Variants in NOX4 observed in about 807,000 individuals in gnomAD.
NOX4 encodes kidney oxidase-1.
NOX4 carries 69 observed loss-of-function variants against 87.6 expected under a neutral mutation model. The ratio of observed to expected loss-of-function variants is 0.79; its 90% CI spans 0.65 to 0.96. NOX4 has a LOEUF of 0.96. Ranked by LOEUF, NOX4 falls within the 40% of genes least tolerant of loss-of-function variation. NOX4 has a pLI of 0.00. For synonymous variants in NOX4, 275 were observed against 238.2 expected (o/e 1.15, Z -1.42); for missense variants, 680 against 681.5 (o/e 1.00, Z 0.02).
chr11:89,413,575 G>A (rs1488792375), intron 8 of NOX4, among the ~76,000 whole-genome samples: 1 of 152,104 alleles, frequency 6.6e-6, no homozygotes, highest in African/African-American at 2.4e-5. Context: ...GCAAGGCACA[G>A]AAAGACAAAT....
At chr11:89,501,760 C>T (rs139144454), upstream of NOX4, among the ~76,000 whole-genome samples, 241 of 152,022 alleles carry the variant, frequency 1.6e-3, 2 homozygotes, top group Admixed American at 0.014. Flanking sequence ...GGGCAATGGA[C>T]GAAGAAAATA....
chr11:89,439,948 A>G (rs2135350451), intron 6 of NOX4, among the ~76,000 whole-genome samples: 1 of 152,266 alleles, frequency 6.6e-6, no homozygotes, highest in South Asian at 2.1e-4. Flanking sequence ...GTTGCACTAA[A>G]TTACTGAATT....
chr11:89,574,069 A>G, the NOX4 span, among the ~76,000 whole-genome samples: 15 of 152,158 alleles, frequency 9.9e-5, 2 homozygotes, highest in Admixed American at 9.2e-4. Context: ...ATAGCTTTGG[A>G]TGGTAAGGAG....
intron 2 of NOX4, among the ~76,000 whole-genome samples, chr11:89,470,188 C>A (rs938023499): frequency 3.3e-5 from 5 of 152,072 alleles, no homozygotes; most frequent in African/African-American, 1.2e-4. Context: ...AAGAAGTCAA[C>A]AGAAGTTATT....
intron 2 of NOX4, among the ~76,000 whole-genome samples, chr11:89,471,720 G>T (rs1193872768): frequency 2.0e-5 from 3 of 151,938 alleles, no homozygotes; most frequent in Non-Finnish European, 2.9e-5. Flanking sequence ...TAACTTTTTT[G>T]ATTGTTTTTG....
chr11:89,428,983 A>G (rs1302637003), intron 7 of NOX4, among the ~76,000 whole-genome samples: 10 of 152,176 alleles, frequency 6.6e-5, no homozygotes, highest in Admixed American at 1.3e-4. Context: ...TCCTCAGCAA[A>G]TGTAAAAGAA....
intron 16 of NOX4, among the ~76,000 whole-genome samples, chr11:89,337,193 T>A (rs545588000): frequency 6.6e-6 from 1 of 152,088 alleles, no homozygotes; most frequent in Non-Finnish European, 1.5e-5. Flanking sequence ...GTAGTCTGAA[T>A]TTTAGAAGAA....
At chr11:89,370,826 C>A (rs903427316) in intron 12 of NOX4, among the ~76,000 whole-genome samples, 2 of 151,982 alleles carry the variant, frequency 1.3e-5, no homozygotes, top group African/African-American at 4.8e-5. Context: ...TGTCTTGTGC[C>A]GCATAGCTGC....
intron 2 of NOX4, among the ~76,000 whole-genome samples, chr11:89,455,676 A>T (rs1445580037): frequency 1.3e-5 from 2 of 150,924 alleles, no homozygotes; most frequent in African/African-American, 4.9e-5. Context: ...AATATTATGA[A>T]GTGGTCACTG....
chr11:89,484,446 A>G (rs1375937913), intron 2 of NOX4, among the ~76,000 whole-genome samples: 1 of 152,158 alleles, frequency 6.6e-6, no homozygotes, highest in Non-Finnish European at 1.5e-5. Context: ...TAGACATTTT[A>G]AAGTATCATT....
At chr11:89,523,269 G>C in the NOX4 span, among the ~76,000 whole-genome samples, 5 of 152,052 alleles carry the variant, frequency 3.3e-5, no homozygotes, top group East Asian at 9.6e-4. Context: ...TAATCCTCCC[G>C]CCTCAGCCTC....
chr11:89,435,917 A>C (rs553148460), intron 6 of NOX4, among the ~76,000 whole-genome samples: 1 of 152,276 alleles, frequency 6.6e-6, no homozygotes, highest in Non-Finnish European at 1.5e-5. Context: ...AAAAGACCAA[A>C]GTGTACAATT....
chr11:89,561,019 T>TACAC, the NOX4 span, among the ~76,000 whole-genome samples: 1 of 102,260 alleles, frequency 9.8e-6, no homozygotes, highest in Non-Finnish European at 1.9e-5. Context: ...TATATATATA[T>TACAC]ACATACACAC....
chr11:89,466,505 A>T (rs1475670705), intron 2 of NOX4, among the ~76,000 whole-genome samples: 4 of 152,216 alleles, frequency 2.6e-5, no homozygotes, highest in Non-Finnish European at 4.4e-5. Context: ...TCACTGGATC[A>T]CATCCTTTCA....
At chr11:89,572,522 T>C in the NOX4 span, among the ~76,000 whole-genome samples, 2 of 151,046 alleles carry the variant, frequency 1.3e-5, no homozygotes, top group Admixed American at 6.6e-5. Flanking sequence ...CAGAATTATA[T>C]GTTTTTTTGT....
intron 2 of NOX4, among the ~76,000 whole-genome samples, chr11:89,467,349 C>CAAAAAAAAAAAAAAAA (rs71052233): frequency 3.4e-4 from 21 of 61,462 alleles, no homozygotes; most frequent in African/African-American, 1.1e-3. Context: ...AAACTCGTCA[C>CAAAAAAAAAAAAAAAA]AAAAAAAAAA....
chr11:89,562,427 G>A, the NOX4 span, among the ~76,000 whole-genome samples: 37 of 150,254 alleles, frequency 2.5e-4, no homozygotes, highest in African/African-American at 7.3e-4. Context: ...TCTCCTCCCC[G>A]CCCCTTTTAT....
chr11:89,483,809 A>C (rs1946486418), intron 2 of NOX4, among the ~76,000 whole-genome samples: 1 of 152,158 alleles, frequency 6.6e-6, no homozygotes, highest in Non-Finnish European at 1.5e-5. Context: ...AATTATCTTG[A>C]CTTAGCCATT....
chr11:89,408,092 G>A (rs1043288157), intron 8 of NOX4, among the ~76,000 whole-genome samples: 85 of 152,136 alleles, frequency 5.6e-4, no homozygotes, highest in African/African-American at 2.0e-3. Flanking sequence ...ACCAAATTGT[G>A]TATTTTAAAA....
Sources: gnomAD v4.1 joint callset for allele counts (sites outside exome capture counted in the v4.1 genomes callset) on GRCh38, gnomAD v4.1.1 for gene constraint, MANE v1.5 for transcripts, NCBI Gene and HGNC (gene_info 2026-07-23, HGNC 2026-07-21) for gene names.